The following ST8SIA6 variants were observed in gnomAD, a reference collection of about 807,000 sequenced individuals.
The protein encoded by ST8SIA6 is alpha-2,8-sialyltransferase 8F.
ST8SIA6 carries 39 observed loss-of-function variants against 33.6 expected under a neutral mutation model. The ratio of observed to expected loss-of-function variants is 1.16; its 90% CI spans 0.90 to 1.52. The LOEUF (loss-of-function observed/expected upper bound fraction) is 1.52. ST8SIA6 is among the 40% of genes most tolerant of loss of function. ST8SIA6 has a pLI of 0.00. For missense variants in ST8SIA6, 441 were observed against 443.8 expected (o/e 0.99, Z 0.06); for synonymous variants, 172 against 167.2 (o/e 1.03, Z -0.22).
At chr10:17,430,681 A>G (rs1852076562) in intron 2 of ST8SIA6, among the ~76,000 whole-genome samples, 1 of 152,072 alleles carries the variant, frequency 6.6e-6, no homozygotes, top group African/African-American at 2.4e-5. Context: ...CCATTTGTAT[A>G]TCTTCTTTTG....
intron 2 of ST8SIA6, among the ~76,000 whole-genome samples, chr10:17,421,358 C>T (rs1037752491): frequency 2.0e-5 from 3 of 152,140 alleles, no homozygotes; most frequent in African/African-American, 4.8e-5. Flanking sequence ...GTCCTATATA[C>T]AAATCTGTAT....
intron 4 of ST8SIA6, among the ~76,000 whole-genome samples, chr10:17,333,717 ATTTTT>A (rs71392102): frequency 2.7e-3 from 91 of 33,734 alleles, no homozygotes; most frequent in African/African-American, 3.3e-3. Flanking sequence ...ATATATATAT[ATTTTT>A]TTTTTTTTTT....
chr10:17,433,177 T>C (rs1852153743), intron 2 of ST8SIA6, among the ~76,000 whole-genome samples: 1 of 152,158 alleles, frequency 6.6e-6, no homozygotes, highest in South Asian at 2.1e-4. Context: ...CTCAGGAACA[T>C]TTTAAATCTG....
Position 17,327,038 on chromosome 10 carries a change from A to T in ST8SIA6, c.611T>A (p.Ile204Lys). The T allele has an allele frequency of 1.2e-6, 2 of 1,606,996 alleles. No homozygotes were observed. Among genetic ancestry groups the T allele is most frequent in the Non-Finnish European group, 1.7e-6 (2 of 1,177,238 alleles). Residue 204 changes from isoleucine to lysine, a missense_variant, in exon 6 of 8, where the codon ATA becomes AAA. Transcript: ENST00000377602. ...CCTAAAAACGAAGTCGGATTTATCT[A>T]TTTCAGTTCCACAGAGAGACTTATT... ...ILNKSLCGTE[I>K]DKSDFVFRCN...
At chr10:17,393,966 G>C (rs1430974444) in intron 2 of ST8SIA6, among the ~76,000 whole-genome samples, 1 of 152,100 alleles carries the variant, frequency 6.6e-6, no homozygotes, top group African/African-American at 2.4e-5. Flanking sequence ...ACTGTCCAAG[G>C]ATTTGTTTAT....
At chr10:17,449,376 C>T (rs1852831741) in intron 2 of ST8SIA6, among the ~76,000 whole-genome samples, 1 of 152,120 alleles carries the variant, frequency 6.6e-6, no homozygotes, top group Admixed American at 6.5e-5. Flanking sequence ...GAGAAAGGAT[C>T]CATTGTAATG....
chr10:17,424,883 G>A (rs1056178704), intron 2 of ST8SIA6, among the ~76,000 whole-genome samples: 7 of 151,988 alleles, frequency 4.6e-5, no homozygotes, highest in Middle Eastern at 3.4e-3. Context: ...ACAGGCACAA[G>A]CCACCATACA....
intron 2 of ST8SIA6, among the ~76,000 whole-genome samples, chr10:17,406,617 A>G (rs371803701): frequency 5.9e-5 from 9 of 152,054 alleles, no homozygotes; most frequent in African/African-American, 2.2e-4. Context: ...TTTTTCTCCC[A>G]TTCATAGTCT....
At chr10:17,375,221 G>A (rs1359339698) in intron 3 of ST8SIA6, among the ~76,000 whole-genome samples, 1 of 152,108 alleles carries the variant, frequency 6.6e-6, no homozygotes, top group African/African-American at 2.4e-5. Context: ...AAAGTAGAAT[G>A]GAAACAAGTC....
intron 3 of ST8SIA6, among the ~76,000 whole-genome samples, chr10:17,368,988 A>T (rs1849649445): frequency 1.3e-5 from 2 of 152,206 alleles, no homozygotes; most frequent in South Asian, 4.1e-4. Context: ...CTTGTTAAGA[A>T]TGCAGTATCT....
chr10:17,337,521 A>C (rs10795471), intron 4 of ST8SIA6, among the ~76,000 whole-genome samples: 16,329 of 152,180 alleles, frequency 0.11, 1,142 homozygotes, highest in East Asian at 0.36. Context: ...ATAATCTAAG[A>C]TGTCACAGGC....
In ST8SIA6 at chr10:17,392,832, G is replaced by T. The variant is rs554511575; in HGVS notation, c.201-2212C>A. Among the ~76,000 whole-genome samples the T allele has an allele frequency of 3.8e-3, 578 of 152,318 alleles. 1 individual carries two copies. The highest frequency in any genetic ancestry group is 7.1e-3 in the Non-Finnish European group (485 of 68,024). On this transcript the variant is annotated intron_variant, in intron 2 of 7. Transcript: ENST00000377602. The stretch of plus-strand genomic sequence containing the variant: ...TGAAATGCCCACTGTATGTCTGGAG[G>T]CCCGTCTAGGGCAGCTGTGCTCCAT...
chr10:17,393,027 G>A (rs1215698664), intron 2 of ST8SIA6, among the ~76,000 whole-genome samples: 2 of 152,180 alleles, frequency 1.3e-5, no homozygotes, highest in African/African-American at 4.8e-5. Flanking sequence ...AGTGTGGGTG[G>A]GCAGCATCCA....
chr10:17,334,664 A>T (rs188217833), intron 4 of ST8SIA6, among the ~76,000 whole-genome samples: 27 of 152,202 alleles, frequency 1.8e-4, no homozygotes, highest in African/African-American at 6.3e-4. Context: ...GAAAAAAAGA[A>T]ATATACAGTG....
chr10:17,318,746 T>C lies in ST8SIA6; in HGVS notation c.*2132A>G, dbSNP rs1847849468. 3 of 470,260 alleles carry C rather than the reference T, an allele frequency of 6.4e-6. No homozygotes were observed. Among genetic ancestry groups the C allele is most frequent in the Admixed American group, 4.7e-5 (2 of 42,544 alleles). 29.1% of individuals were successfully genotyped at this position (470,260 alleles called of 1,614,324 possible). A position where few individuals can be genotyped will look rare whatever the true frequency, so the allele number is the denominator to read the frequency against. ...TTTTTGTTTTGCACTTGGTGAAAAA[T>C]TTGCAATGATTCACCAATACAGAAC... is the stretch of plus-strand genomic sequence containing the variant. On this transcript the variant is annotated 3_prime_UTR_variant, in exon 8 of 8. Coordinates refer to ENST00000377602, the MANE Select transcript of ST8SIA6 (RefSeq NM_001004470.3).
intron 4 of ST8SIA6, among the ~76,000 whole-genome samples, chr10:17,354,524 A>G (rs892964023): frequency 6.6e-6 from 1 of 152,246 alleles, no homozygotes; most frequent in Non-Finnish European, 1.5e-5. Context: ...ATTAGATACC[A>G]AGAAAGAACA....
At position 17,325,327 on chromosome 10, in the gene ST8SIA6, T is replaced by A. The variant is rs181233605; in HGVS notation, c.635+1687A>T. Among the ~76,000 whole-genome samples the A allele has an allele frequency of 9.5e-5, 14 of 146,760 alleles. No homozygotes were observed. In the East Asian group the frequency reaches 2.0e-3, roughly 21 times the overall value. On this transcript the variant is annotated intron_variant, in intron 6 of 7. Transcript: ENST00000377602. ...CAGTATTATATATTTATCATACATA[T>A]GTATAATATGTATATATAATATGTA...
At chr10:17,359,035 A>T (rs944293731) in intron 4 of ST8SIA6, among the ~76,000 whole-genome samples, 2 of 152,132 alleles carry the variant, frequency 1.3e-5, no homozygotes, top group African/African-American at 4.8e-5. Context: ...GCCAGTTGAC[A>T]CCTCCTTCCT....
At chr10:17,404,427 G>A (rs1475103605) in intron 2 of ST8SIA6, among the ~76,000 whole-genome samples, 1 of 152,008 alleles carries the variant, frequency 6.6e-6, no homozygotes, top group Non-Finnish European at 1.5e-5. Flanking sequence ...TGAGTCTATG[G>A]GAGCTGACAA....
Sources: allele counts gnomAD v4.1 joint callset (sites outside exome capture counted in the v4.1 genomes callset), GRCh38; gene constraint gnomAD v4.1.1; transcripts MANE v1.5; gene names NCBI Gene and HGNC (gene_info 2026-07-23, HGNC 2026-07-21).